MAPRE2: variants seen among roughly 807,000 people sequenced by gnomAD.
The protein encoded by MAPRE2 is microtubule associated protein RP/EB family member 2, also known as microtubule-associated protein RP/EB family member 2.
MAPRE2 carries 13 observed loss-of-function variants against 43.2 expected under a neutral mutation model. The ratio of observed to expected loss-of-function variants is 0.30; its 90% CI spans 0.20 to 0.48. The LOEUF (loss-of-function observed/expected upper bound fraction) is 0.48. Ranked by LOEUF, MAPRE2 falls within the 20% of genes least tolerant of loss-of-function variation. MAPRE2 has a pLI of 0.99. For missense variants in MAPRE2, 161 were observed against 400.2 expected (o/e 0.40, Z 5.10); for synonymous variants, 135 against 148.8 (o/e 0.91, Z 0.68).
chr18:35,014,988 T>C (rs1603390219), intron 2 of MAPRE2, among the ~76,000 whole-genome samples: 1 of 152,246 alleles, frequency 6.6e-6, no homozygotes, highest in East Asian at 1.9e-4. Context: ...GGTTGACATG[T>C]CTTATCAAAA....
intron 2 of MAPRE2, among the ~76,000 whole-genome samples, chr18:35,088,905 A>G (rs1431708611): frequency 3.3e-5 from 5 of 152,206 alleles, no homozygotes; most frequent in African/African-American, 1.2e-4. Flanking sequence ...TTGAATTTGT[A>G]TTAAATTGAA....
intron 6 of MAPRE2, among the ~76,000 whole-genome samples, chr18:35,139,491 T>A (rs1393650637): frequency 6.6e-6 from 1 of 152,198 alleles, no homozygotes; most frequent in Admixed American, 6.5e-5. Context: ...CTGGGTTAGA[T>A]AAAGGAATAA....
chr18:35,033,513 G>A (rs995782857), intron 2 of MAPRE2, among the ~76,000 whole-genome samples: 1 of 151,562 alleles, frequency 6.6e-6, no homozygotes, highest in East Asian at 1.9e-4. Context: ...TCTGGCCAGG[G>A]CAATTAGGCA....
chr18:35,035,820 A>G (rs576254616), intron 2 of MAPRE2, among the ~76,000 whole-genome samples: 27 of 141,372 alleles, frequency 1.9e-4, no homozygotes, highest in African/African-American at 6.6e-4. Context: ...CTCTTTTATC[A>G]TCAGCCTTTA....
intron 4 of MAPRE2, among the ~76,000 whole-genome samples, chr18:35,115,195 G>C (rs1393522418): frequency 6.6e-6 from 1 of 152,098 alleles, no homozygotes; most frequent in Non-Finnish European, 1.5e-5. Context: ...GAGTTGATGA[G>C]TTTAAGTTGA....
At chr18:34,997,440 G>A (rs2097027061) in intron 1 of MAPRE2, among the ~76,000 whole-genome samples, 1 of 152,086 alleles carries the variant, frequency 6.6e-6, no homozygotes, top group Non-Finnish European at 1.5e-5. Flanking sequence ...CCACATGAGA[G>A]CTCTTCAGGA....
At chr18:35,081,724 T>C (rs776774825) in intron 2 of MAPRE2, among the ~76,000 whole-genome samples, 43 of 152,242 alleles carry the variant, frequency 2.8e-4, no homozygotes, top group Non-Finnish European at 5.1e-4. Flanking sequence ...GTGCCAGGGA[T>C]AGTGACCTCA....
At chr18:35,017,572 T>G (rs201815472) in intron 2 of MAPRE2, among the ~76,000 whole-genome samples, 84,762 of 150,466 alleles carry the variant, frequency 0.56, 24,716 homozygotes, top group East Asian at 0.71. Flanking sequence ...TGTTTTTTGT[T>G]TTTTTTTTAC....
intron 2 of MAPRE2, among the ~76,000 whole-genome samples, chr18:35,017,385 T>C (rs778919294): frequency 2.0e-5 from 3 of 151,884 alleles, no homozygotes; most frequent in African/African-American, 4.8e-5. Context: ...AATCTGTAGA[T>C]TGCTTTGGGC....
At chr18:35,100,145 T>C (rs1908608771) in intron 3 of MAPRE2, among the ~76,000 whole-genome samples, 1 of 152,174 alleles carries the variant, frequency 6.6e-6, no homozygotes, top group African/African-American at 2.4e-5. Context: ...TGACTCACAC[T>C]CTAGCTTTGT....
intron 4 of MAPRE2, 76 bp downstream of exon 4, chr18:35,102,235 G>A (rs1326593735): frequency 3.7e-6 from 4 of 1,068,434 alleles, no homozygotes; most frequent in Non-Finnish European, 4.0e-6. Flanking sequence ...TTTACTGTGT[G>A]TTTCTGACTG....
intron 1 of MAPRE2, among the ~76,000 whole-genome samples, chr18:35,065,180 C>T (rs998986781): frequency 1.3e-5 from 2 of 152,074 alleles, no homozygotes; most frequent in Non-Finnish European, 2.9e-5. Context: ...TGCCTGCAAT[C>T]CCAGCTATTT....
intron 4 of MAPRE2, among the ~76,000 whole-genome samples, chr18:35,117,071 G>A (rs767966092): frequency 3.3e-5 from 5 of 152,214 alleles, no homozygotes; most frequent in African/African-American, 1.2e-4. Flanking sequence ...CTTAATGAAG[G>A]TAGTAGCCAT....
intron 1 of MAPRE2, among the ~76,000 whole-genome samples, chr18:35,053,023 A>G (rs539882384): frequency 1.4e-5 from 2 of 143,136 alleles, no homozygotes; most frequent in African/African-American, 2.5e-5. Flanking sequence ...CACACACACA[A>G]AAAGACCTAG....
At chr18:35,048,284 C>T (rs1354847764) in intron 1 of MAPRE2, among the ~76,000 whole-genome samples, 1 of 152,036 alleles carries the variant, frequency 6.6e-6, no homozygotes, top group African/African-American at 2.4e-5. Context: ...TATGAGGGAC[C>T]CGACCCCATG....
intron 4 of MAPRE2, among the ~76,000 whole-genome samples, chr18:35,126,625 AC>A (rs2144236623): frequency 6.6e-6 from 1 of 152,314 alleles, no homozygotes; most frequent in African/African-American, 2.4e-5. Flanking sequence ...TTATCTAAAA[AC>A]CTTTCCTCTT....
intron 4 of MAPRE2, among the ~76,000 whole-genome samples, chr18:35,114,589 GTCAATTAGC>G (rs1303694646): frequency 1.3e-5 from 2 of 152,098 alleles, no homozygotes. Flanking sequence ...AATCCTTCAA[GTCAATTAGC>G]TCTCCGTGTG....
chr18:34,980,647 A>G (rs1042879290), intron 1 of MAPRE2, among the ~76,000 whole-genome samples: 18 of 152,182 alleles, frequency 1.2e-4, no homozygotes, highest in Admixed American at 5.2e-4. Flanking sequence ...CACAATTCTT[A>G]CTTGCTATGA....
intron 6 of MAPRE2, among the ~76,000 whole-genome samples, chr18:35,133,396 T>C (rs1368455563): frequency 6.6e-6 from 1 of 152,162 alleles, no homozygotes; most frequent in Non-Finnish European, 1.5e-5. Context: ...TCAGATCTGA[T>C]GGAATAAACC....
Sources: allele counts gnomAD v4.1 joint callset (sites outside exome capture counted in the v4.1 genomes callset), GRCh38; gene constraint gnomAD v4.1.1; transcripts MANE v1.5; gene names NCBI Gene and HGNC (gene_info 2026-07-23, HGNC 2026-07-21).